LEPR: variants seen among roughly 807,000 people sequenced by gnomAD.
LEPR encodes OB receptor.
Under a neutral mutation model 114.7 loss-of-function variants are expected in LEPR, and 56 were observed. The ratio of observed to expected loss-of-function variants is 0.49; its 90% CI spans 0.39 to 0.61. The LOEUF is 0.61. Ranked by LOEUF, LEPR falls within the 20% of genes least tolerant of loss-of-function variation. The pLI is 0.00. For synonymous variants in LEPR, 443 were observed against 461.4 expected, an observed-to-expected ratio of 0.96 and a Z score of 0.51; for missense variants, 1,202 against 1,352.9, an observed-to-expected ratio of 0.89 and a Z score of 1.75.
At chr1:65,635,219 T>A in intron 19 of LEPR, 1 of 970,072 alleles carries the variant, frequency 1.0e-6, no homozygotes. Context: ...GTGTATGATA[T>A]ATAAGCTGAA....
intron 3 of LEPR, among the ~76,000 whole-genome samples, chr1:65,567,376 C>T (rs1394759716): frequency 6.6e-6 from 1 of 152,170 alleles, no homozygotes; most frequent in Admixed American, 6.5e-5. Flanking sequence ...ATTACATATT[C>T]TTGGTTTTGT....
intron 2 of LEPR, among the ~76,000 whole-genome samples, chr1:65,494,636 A>G (rs960786912): frequency 3.9e-5 from 6 of 152,180 alleles, no homozygotes; most frequent in African/African-American, 1.4e-4. Flanking sequence ...AAAAATTTAA[A>G]TTGGACTTAG....
At chr1:65,432,811 A>C (rs531788382) in intron 2 of LEPR, 1 of 549,146 alleles carries the variant, frequency 1.8e-6, no homozygotes, top group Non-Finnish European at 2.3e-6. Flanking sequence ...GTAAATTTCT[A>C]ATGTTCTCAT....
intron 2 of LEPR, among the ~76,000 whole-genome samples, chr1:65,555,830 AAGT>A (rs1652776536): frequency 6.6e-6 from 1 of 152,160 alleles, no homozygotes; most frequent in East Asian, 1.9e-4. Context: ...GCCCAGTTCT[AAGT>A]ATTGTCAGTG....
intron 5 of LEPR, among the ~76,000 whole-genome samples, chr1:65,582,323 C>T (rs189461424): frequency 2.0e-5 from 3 of 152,146 alleles, no homozygotes; most frequent in Non-Finnish European, 2.9e-5. Flanking sequence ...GTGTCAGCCA[C>T]CAGGACTGCA....
rs1253657657 is a variant in LEPR at position 65,616,141 on chromosome 1, A to T, written c.2129A>T (p.His710Leu). 5 of 1,614,216 alleles carry T rather than the reference A, an allele frequency of 3.1e-6. No individual in the cohort carries two copies. The change falls in exon 15 of 20, where the codon CAT (histidine) becomes CTT (leucine). Residue 710 changes from histidine (H) to leucine (L), a missense_variant. His to Leu is a moderately conservative substitution (Grantham distance 99). Transcript: ENST00000349533. ...ACTTTCCTGTGGACAGAGCAAGCAC[A>T]TACTGTTACGGTTCTGGCCATCAAT... The part of the protein sequence containing the change: ...KFTFLWTEQA[H>L]TVTVLAINSI...
rs1656244231 is a variant in LEPR, at chr1:65,598,670, T to C, written c.860T>C (p.Ile287Thr). The C allele has an allele frequency of 6.2e-7, 1 of 1,613,256 alleles. No individual in the cohort carries two copies. The highest frequency in any genetic ancestry group is 1.1e-5 in the South Asian group (1 of 91,060). Residue 287 changes from isoleucine to threonine, a missense_variant, in exon 8 of 20, where the codon ATT becomes ACT. Ile to Thr is a moderately conservative substitution (Grantham distance 89). Transcript: ENST00000349533. The stretch of plus-strand genomic sequence containing the variant: ...TATAATATTTAACAGGCTGACAAGA[T>C]TGTCTCAGCTACATCCCTGCTAGTA... ...STTVIREADK[I>T]VSATSLLVDS...
intron 2 of LEPR, among the ~76,000 whole-genome samples, chr1:65,511,809 A>T (rs1315700280): frequency 6.6e-6 from 1 of 152,204 alleles, no homozygotes; most frequent in Non-Finnish European, 1.5e-5. Flanking sequence ...GAGTAGAAAG[A>T]GCTACTCCCC....
At chr1:65,495,400 A>G (rs1648102651) in intron 2 of LEPR, among the ~76,000 whole-genome samples, 1 of 152,188 alleles carries the variant, frequency 6.6e-6, no homozygotes, top group South Asian at 2.1e-4. Context: ...AAAGGCAACA[A>G]GGTTTGGTAA....
chr1:65,425,238 C>T lies in LEPR; in HGVS notation c.-96-65C>T, dbSNP rs1312821414. 4 of 1,434,470 alleles carry T rather than the reference C, an allele frequency of 2.8e-6. No homozygotes were observed. The African/African-American group carries it at 5.7e-5, about 20-fold the overall frequency. 88.9% of individuals were successfully genotyped at this position (1,434,470 alleles called of 1,614,324 possible). ...TATTAGAAGTCACTCCCCATTTCCC[C>T]AAACCCTCTAGTGCCTGACAACCTC... On this transcript the variant is annotated intron_variant, in intron 1 of 19. Transcript: ENST00000349533.
intron 2 of LEPR, among the ~76,000 whole-genome samples, chr1:65,551,550 G>T (rs543251238): frequency 3.0e-4 from 45 of 152,092 alleles, no homozygotes; most frequent in Non-Finnish European, 5.1e-4. Context: ...GGGATCAGTG[G>T]TGATATACCC....
intron 18 of LEPR, among the ~76,000 whole-genome samples, chr1:65,622,559 A>G (rs1657951924): frequency 6.6e-6 from 1 of 152,186 alleles, no homozygotes; most frequent in Admixed American, 6.5e-5. Context: ...CTTGTAGTTA[A>G]GTGAGTTGAT....
Position 65,434,525 on chromosome 1 carries a change from G to C in LEPR, c.-21+9147G>C, listed in dbSNP as rs112862122. 12 of 985,156 alleles carry C rather than the reference G, an allele frequency of 1.2e-5. No homozygotes were observed. The African/African-American group carries it at 1.7e-4, about 14-fold the overall frequency. The allele number at this position is 985,156 out of a possible 1,614,324, so 61.0% of individuals were successfully genotyped here. A position where few individuals can be genotyped will look rare whatever the true frequency, so the allele number is the denominator to read the frequency against. Reference sequence around the variant, plus strand: ...CTATGAATTGGTGATTGAGTTCCCAGGCCAAGCCTCCCTCAACAGGTTCAA... The same window carrying C: ...CTATGAATTGGTGATTGAGTTCCCACGCCAAGCCTCCCTCAACAGGTTCAA... On this transcript the variant is annotated intron_variant, in intron 2 of 19. Coordinates refer to ENST00000349533, the MANE Select transcript of LEPR (RefSeq NM_002303.6).
chr1:65,567,478 T>C (rs1653849270), intron 3 of LEPR, among the ~76,000 whole-genome samples: 1 of 152,216 alleles, frequency 6.6e-6, no homozygotes, highest in Non-Finnish European at 1.5e-5. Context: ...AGGAACATAA[T>C]TGTAATATGG....
chr1:65,428,683 T>C (rs1646426840), intron 2 of LEPR, among the ~76,000 whole-genome samples: 1 of 152,148 alleles, frequency 6.6e-6, no homozygotes, highest in African/African-American at 2.4e-5. Context: ...TACAGTATTG[T>C]GGTGATATGA....
At chr1:65,604,291 T>C (rs1226207389) in intron 10 of LEPR, among the ~76,000 whole-genome samples, 1 of 152,114 alleles carries the variant, frequency 6.6e-6, no homozygotes, top group Non-Finnish European at 1.5e-5. Flanking sequence ...TAAGAATGTC[T>C]TTTTTTAGAT....
chr1:65,598,100 T>TTTTTTTTTTTTTTTTTTTTTTG, intron 7 of LEPR, among the ~76,000 whole-genome samples: 1 of 141,190 alleles, frequency 7.1e-6, no homozygotes, highest in African/African-American at 2.9e-5. Context: ...TGCCTCTTTT[T>TTTTTTTTTTTTTTTTTTTTTTG]TTTTTTTTTT....
At chr1:65,535,013 G>C (rs189367966) in intron 2 of LEPR, among the ~76,000 whole-genome samples, 60 of 152,254 alleles carry the variant, frequency 3.9e-4, no homozygotes, top group African/African-American at 1.4e-3. Context: ...ATGAACATGA[G>C]AGAATCAAAC....
chr1:65,423,290 G>A (rs75730881), intron 1 of LEPR, among the ~76,000 whole-genome samples: 1,696 of 152,188 alleles, frequency 0.011, 31 homozygotes, highest in African/African-American at 0.039. Context: ...GCAGGAGTGC[G>A]TGGAGTGAAA....
Sources: allele counts gnomAD v4.1 joint callset (sites outside exome capture counted in the v4.1 genomes callset), GRCh38; gene constraint gnomAD v4.1.1; transcripts MANE v1.5; gene names NCBI Gene and HGNC (gene_info 2026-07-23, HGNC 2026-07-21).